The following RIPOR2 variants were observed in gnomAD, a reference collection of about 807,000 sequenced individuals.
RIPOR2 encodes the protein rho family-interacting cell polarization regulator 2.
RIPOR2 carries 39 observed loss-of-function variants against 114.5 expected under a neutral mutation model. The observed-to-expected ratio is 0.34, with a 90% confidence interval of 0.26 to 0.44. The LOEUF is 0.44. Among genes scored for constraint, RIPOR2 ranks in the 20% least tolerant of loss-of-function variants. RIPOR2 has a pLI of 1.00. For missense variants in RIPOR2, 1,007 were observed against 1,255.1 expected (o/e 0.80, Z 2.99); for synonymous variants, 445 against 484.4 (o/e 0.92, Z 1.07).
chr6:24,910,985 G>C, intron 1 of RIPOR2: 6 of 985,054 alleles, frequency 6.1e-6, no homozygotes, highest in Non-Finnish European at 7.2e-6. Context: ...TCGGGTGGAC[G>C]CGAGCTGTCC....
rs201358532 is a variant in RIPOR2, at chr6:24,869,518, A to G, written c.448-371T>C. Among the ~76,000 whole-genome samples the G allele has an allele frequency of 2.0e-5, 3 of 152,084 alleles. No homozygotes were observed. In the East Asian group the frequency reaches 5.8e-4, roughly 29 times the overall value. On this transcript the variant is annotated intron_variant, in intron 5 of 21. Coordinates refer to ENST00000643898, the MANE Select transcript of RIPOR2 (RefSeq NM_001286445.3). ...TATTTAGTAGAGACGGGGTTTCTCC[A>G]TGTTGACCAGGCTGGTCTTGAACTT...
chr6:24,900,361 A>C (rs1483114799), intron 1 of RIPOR2, among the ~76,000 whole-genome samples: 3 of 152,230 alleles, frequency 2.0e-5, no homozygotes, highest in Non-Finnish European at 2.9e-5. Flanking sequence ...GTGAGCACTC[A>C]ATGAATTAGT....
intron 1 of RIPOR2, among the ~76,000 whole-genome samples, chr6:24,953,944 C>T (rs184412011): frequency 9.2e-5 from 14 of 152,242 alleles, no homozygotes; most frequent in Non-Finnish European, 1.8e-4. Context: ...TCTTGTTAAT[C>T]GGTCCTTTGT....
At chr6:24,840,290 T>G in intron 13 of RIPOR2, 2 of 1,043,902 alleles carry the variant, frequency 1.9e-6, no homozygotes, top group Non-Finnish European at 2.3e-6. Flanking sequence ...AATGAATGCC[T>G]TGGGCATGAC....
rs140733920 is a variant in RIPOR2, at chr6:24,976,791, C to T, written c.76+65060G>A. 1,906 of 1,611,520 alleles carry T rather than the reference C, an allele frequency of 1.2e-3. 32 individuals are homozygous for T. The African/African-American group carries it at 0.023, about 20-fold the overall frequency. On this transcript the variant is annotated intron_variant, in intron 1 of 13. Coordinates refer to the RIPOR2 transcript ENST00000510784. ...CCTGAAATCTTGTCCATGGCAAATG[C>T]TGGACCCAACACAAATGGTTCCCAG...
chr6:24,906,753 C>T lies in RIPOR2; in HGVS notation c.61+29085G>A, dbSNP rs139184637. ...CCAGGCTCAAGCGATCCTCCCACCTCAGCTTCCAGAGTAGCTGAGACTACA... is the reference window on the plus strand; with the variant it reads ...CCAGGCTCAAGCGATCCTCCCACCTTAGCTTCCAGAGTAGCTGAGACTACA... On this transcript the variant is annotated intron_variant, in intron 1 of 21. Coordinates refer to ENST00000643898, the MANE Select transcript of RIPOR2 (RefSeq NM_001286445.3). Among the ~76,000 whole-genome samples, 537 of 152,308 alleles carry T rather than the reference C, an allele frequency of 3.5e-3. 1 individual carries two copies. The highest frequency in any genetic ancestry group is 0.011 in the African/African-American group (468 of 41,554).
chr6:24,843,152 C>T lies in RIPOR2; in HGVS notation c.1567G>A (p.Glu523Lys). 1.2e-6 allele frequency: 2 copies of T among 1,613,994 alleles called. No homozygotes were observed. Among genetic ancestry groups the T allele is most frequent in the Non-Finnish European group, 8.5e-7 (1 of 1,179,878 alleles). Reference protein sequence around the residue: ...ENDVAEALLQESEEASELKPV... With the variant: ...ENDVAEALLQKSEEASELKPV... ...TTGAGCTCAGAGGCCTCCTCAGACTCTTGCAGAAGTGCTTCTGCAACATCA... is the reference window on the plus strand; with the variant it reads ...TTGAGCTCAGAGGCCTCCTCAGACTTTTGCAGAAGTGCTTCTGCAACATCA... The change falls in exon 13 of 22, where the codon GAG (glutamate) becomes AAG (lysine). Residue 523 changes from glutamate to lysine, a missense_variant. By Grantham distance (56) the Glu-to-Lys change is moderately conservative. Coordinates refer to ENST00000643898, the MANE Select transcript of RIPOR2 (RefSeq NM_001286445.3).
At chr6:24,946,046 C>T (rs1303358374) in intron 1 of RIPOR2, among the ~76,000 whole-genome samples, 1 of 151,638 alleles carries the variant, frequency 6.6e-6, no homozygotes, top group Admixed American at 6.6e-5. Context: ...TGATTTCATG[C>T]TGGAAGATGA....
chr6:25,010,443 A>C (rs955811798), intron 1 of RIPOR2, among the ~76,000 whole-genome samples: 1 of 152,214 alleles, frequency 6.6e-6, no homozygotes, highest in Non-Finnish European at 1.5e-5. Context: ...CTTCGTGTAC[A>C]GCCTGCGGAA....
chr6:25,030,789 C>A (rs1486182770), intron 1 of RIPOR2, among the ~76,000 whole-genome samples: 2 of 151,178 alleles, frequency 1.3e-5, no homozygotes, highest in African/African-American at 4.9e-5. Flanking sequence ...ACCTCTGCCT[C>A]TTGTGTTCAA....
intron 1 of RIPOR2, among the ~76,000 whole-genome samples, chr6:24,913,180 T>C (rs991957164): frequency 1.3e-5 from 2 of 150,540 alleles, no homozygotes; most frequent in African/African-American, 4.9e-5. Flanking sequence ...TGTGTGTGTA[T>C]GTGCACATAC....
intron 1 of RIPOR2, among the ~76,000 whole-genome samples, chr6:25,007,811 G>T (rs1349204045): frequency 2.0e-5 from 3 of 151,864 alleles, no homozygotes; most frequent in Non-Finnish European, 4.4e-5. Context: ...TCCAACTGCT[G>T]TAGACATTTC....
intron 1 of RIPOR2, among the ~76,000 whole-genome samples, chr6:25,031,711 A>T (rs1363019407): frequency 3.1e-5 from 1 of 31,862 alleles, no homozygotes; most frequent in Non-Finnish European, 6.8e-5. Context: ...ATATATATAT[A>T]TATATATATA....
intron 12 of RIPOR2, chr6:24,847,670 C>T (rs771481301): frequency 1.5e-5 from 24 of 1,551,304 alleles, no homozygotes; most frequent in East Asian, 2.4e-5. Flanking sequence ...CTGGGCTTGT[C>T]TGGGGAAGGA....
chr6:24,875,580 G>T, intron 2 of RIPOR2, 111 bp downstream of exon 2: 1 of 937,944 alleles, frequency 1.1e-6, no homozygotes, highest in Non-Finnish European at 1.6e-6. Flanking sequence ...AAAATGGGGA[G>T]GAGGCCGGGG....
At chr6:24,926,305 C>T (rs865914717) in intron 1 of RIPOR2, among the ~76,000 whole-genome samples, 2 of 152,126 alleles carry the variant, frequency 1.3e-5, no homozygotes, top group African/African-American at 2.4e-5. Flanking sequence ...GTTAAAGATA[C>T]GGTTAAAGAT....
At chr6:24,949,585 G>A (rs1286537022) in intron 1 of RIPOR2, among the ~76,000 whole-genome samples, 1 of 152,208 alleles carries the variant, frequency 6.6e-6, no homozygotes, top group Non-Finnish European at 1.5e-5. Flanking sequence ...ATGGGCAGGA[G>A]TAAATAAAGG....
At chr6:24,827,727 T>C (rs1324986784) in intron 18 of RIPOR2, among the ~76,000 whole-genome samples, 1 of 152,228 alleles carries the variant, frequency 6.6e-6, no homozygotes, top group African/African-American at 2.4e-5. Context: ...CTCCTTTCCC[T>C]TCCCACCATG....
intron 1 of RIPOR2, chr6:25,041,807 G>C: frequency 1.4e-6 from 1 of 691,490 alleles, no homozygotes; most frequent in Non-Finnish European, 2.6e-6. Context: ...GGAAAGTGTG[G>C]AAAACAAAGG....
Sources: allele counts gnomAD v4.1 joint callset (sites outside exome capture counted in the v4.1 genomes callset), GRCh38; gene constraint gnomAD v4.1.1; transcripts MANE v1.5; gene names NCBI Gene and HGNC (gene_info 2026-07-23, HGNC 2026-07-21).